The following CSNK1G1 variants were observed in gnomAD, a reference collection of about 807,000 sequenced individuals.
CSNK1G1 encodes the protein casein kinase 1 gamma 1, also known as casein kinase I isoform gamma-1.
In CSNK1G1, 22 loss-of-function variants were observed where a neutral mutation model predicts 59.6. The ratio of observed to expected loss-of-function variants is 0.37; its 90% CI spans 0.26 to 0.53. The LOEUF is 0.53. Ranked by LOEUF, CSNK1G1 falls within the 20% of genes least tolerant of loss-of-function variation. CSNK1G1 has a pLI of 0.89. For synonymous variants in CSNK1G1, 179 were observed against 177.1 expected, an observed-to-expected ratio of 1.01 and a Z score of -0.08; for missense variants, 384 against 519.5, an observed-to-expected ratio of 0.74 and a Z score of 2.54.
chr15:64,205,687 T>C (rs182420156), intron 7 of CSNK1G1, among the ~76,000 whole-genome samples: 2 of 152,356 alleles, frequency 1.3e-5, no homozygotes, highest in East Asian at 3.9e-4. Context: ...ACCACTAAAA[T>C]GATTTATGGA....
chr15:64,192,840 TAAAAAAAAAAAAA>T (rs66643774), intron 10 of CSNK1G1, among the ~76,000 whole-genome samples: 30 of 32,230 alleles, frequency 9.3e-4, no homozygotes, highest in Non-Finnish European at 1.2e-3. Context: ...GAGATCTGCC[TAAAAAAAAAAAAA>T]AAAAAAAAAA....
intron 1 of CSNK1G1, among the ~76,000 whole-genome samples, chr15:64,322,082 T>G (rs1896595098): frequency 6.6e-6 from 1 of 152,130 alleles, no homozygotes; most frequent in South Asian, 2.1e-4. Context: ...AATATCTTCC[T>G]CTCATGGAGC....
intron 4 of CSNK1G1, among the ~76,000 whole-genome samples, chr15:64,224,134 C>A (rs781500136): frequency 3.3e-5 from 5 of 152,158 alleles, no homozygotes; most frequent in African/African-American, 4.8e-5. Flanking sequence ...AGGACAACAA[C>A]CTTGGCAAGC....
chr15:64,347,926 A>G (rs1048831035), intron 1 of CSNK1G1, among the ~76,000 whole-genome samples: 1 of 152,036 alleles, frequency 6.6e-6, no homozygotes, highest in Non-Finnish European at 1.5e-5. Flanking sequence ...GAATCGCTTG[A>G]ACCCAGGAGG....
chr15:64,284,916 C>T (rs1199829585), intron 2 of CSNK1G1, among the ~76,000 whole-genome samples: 1 of 152,026 alleles, frequency 6.6e-6, no homozygotes, highest in African/African-American at 2.4e-5. Flanking sequence ...TTAACTTATA[C>T]TGTATACAAA....
intron 1 of CSNK1G1, among the ~76,000 whole-genome samples, chr15:64,341,594 T>A (rs1020853343): frequency 2.0e-5 from 3 of 152,124 alleles, no homozygotes; most frequent in Non-Finnish European, 4.4e-5. Flanking sequence ...TGCCTCAATC[T>A]CTTGAGTAGC....
At chr15:64,351,715 C>T (rs2140495112) in intron 1 of CSNK1G1, among the ~76,000 whole-genome samples, 1 of 152,094 alleles carries the variant, frequency 6.6e-6, no homozygotes, top group Non-Finnish European at 1.5e-5. Flanking sequence ...CCCATGTCCA[C>T]TAAAAATACA....
rs74019230 is a variant in CSNK1G1 at position 64,233,268 on chromosome 15, T to C, written c.293-16555A>G. ...TTATAATAAACTCACAACAGTCTAT[T>C]TGCAATTAAGGAAATTACTGGTCCA... On this transcript the variant is annotated intron_variant, in intron 4 of 11. Transcript: ENST00000303052. Among the ~76,000 whole-genome samples, 467 of 152,312 alleles carry C rather than the reference T, an allele frequency of 3.1e-3. 5 individuals carry two copies. Among genetic ancestry groups the C allele is most frequent in the African/African-American group, 0.011 (442 of 41,558 alleles).
chr15:64,336,612 T>A (rs1191799715), intron 1 of CSNK1G1, among the ~76,000 whole-genome samples: 1 of 151,960 alleles, frequency 6.6e-6, no homozygotes, highest in Non-Finnish European at 1.5e-5. Flanking sequence ...ATAACAATAA[T>A]AATTAATTTT....
chr15:64,301,821 A>T (rs1895356112), intron 1 of CSNK1G1, among the ~76,000 whole-genome samples: 1 of 152,084 alleles, frequency 6.6e-6, no homozygotes, highest in South Asian at 2.1e-4. Flanking sequence ...TAGGAGGTGG[A>T]GGTGGCAGTG....
At chr15:64,194,641 C>G (rs1372695501) in intron 10 of CSNK1G1, among the ~76,000 whole-genome samples, 1 of 151,760 alleles carries the variant, frequency 6.6e-6, no homozygotes, top group Non-Finnish European at 1.5e-5. Context: ...CTCAGCCTCC[C>G]AAGTAGCTGG....
chr15:64,286,809 T>C (rs1459420759), intron 2 of CSNK1G1, among the ~76,000 whole-genome samples: 1 of 152,192 alleles, frequency 6.6e-6, no homozygotes. Context: ...TTTGCAATAG[T>C]ATAATATTAA....
intron 2 of CSNK1G1, among the ~76,000 whole-genome samples, chr15:64,264,016 T>A (rs897155694): frequency 1.3e-5 from 2 of 152,118 alleles, no homozygotes; most frequent in Non-Finnish European, 2.9e-5. Context: ...AAACATAGTA[T>A]CTGACATTCA....
intron 4 of CSNK1G1, among the ~76,000 whole-genome samples, chr15:64,240,192 C>T (rs903550123): frequency 3.9e-5 from 6 of 152,192 alleles, no homozygotes; most frequent in African/African-American, 1.4e-4. Flanking sequence ...TAAGATTGTG[C>T]CACTGCACCC....
chr15:64,178,482 C>CTTTTTTT (rs1175775132), intron 11 of CSNK1G1, among the ~76,000 whole-genome samples: 2 of 123,762 alleles, frequency 1.6e-5, no homozygotes, highest in African/African-American at 3.1e-5. Context: ...CAAAAATTTT[C>CTTTTTTT]TTTTTTTTTT....
chr15:64,212,121 T>C lies in CSNK1G1; in HGVS notation c.679+1769A>G, dbSNP rs186702323. ...ACCCTCAAAATATCCCTGTGAAGCA[T>C]TACCCTCATTTTACAGAGGAGTTTC... On this transcript the variant is annotated intron_variant, in intron 6 of 11. Coordinates refer to ENST00000303052, the MANE Select transcript of CSNK1G1 (RefSeq NM_022048.5). Among the ~76,000 whole-genome samples, 190 of 152,332 alleles carry C rather than the reference T, an allele frequency of 1.2e-3. 1 individual carries two copies. Among genetic ancestry groups the C allele is most frequent in the African/African-American group, 4.4e-3 (182 of 41,574 alleles).
At chr15:64,172,400 T>A (rs919049553) in intron 11 of CSNK1G1, among the ~76,000 whole-genome samples, 13 of 152,142 alleles carry the variant, frequency 8.5e-5, no homozygotes, top group African/African-American at 3.1e-4. Flanking sequence ...TTAATTCAAC[T>A]CACTGGCCAG....
intron 10 of CSNK1G1, among the ~76,000 whole-genome samples, chr15:64,191,945 G>GA (rs1171010987): frequency 6.6e-6 from 1 of 152,206 alleles, no homozygotes; most frequent in Non-Finnish European, 1.5e-5. Flanking sequence ...TAACATAGTA[G>GA]AAAGGGCCAT....
intron 1 of CSNK1G1, among the ~76,000 whole-genome samples, chr15:64,339,474 G>A (rs776364191): frequency 5.9e-5 from 9 of 152,044 alleles, no homozygotes; most frequent in Non-Finnish European, 7.4e-5. Context: ...CACCACGCCC[G>A]GCTAATTTCT....
Sources: allele counts gnomAD v4.1 joint callset (sites outside exome capture counted in the v4.1 genomes callset), GRCh38; gene constraint gnomAD v4.1.1; transcripts MANE v1.5; gene names NCBI Gene and HGNC (gene_info 2026-07-23, HGNC 2026-07-21).